The following MGAT4C variants were observed in gnomAD, a reference collection of about 807,000 sequenced individuals.
MGAT4C encodes the protein MGAT4 family member C, also known as alpha-1,3-mannosyl-glycoprotein 4-beta-N-acetylglucosaminyltransferase C.
In MGAT4C, 19 loss-of-function variants were observed where a neutral mutation model predicts 40.1. The observed-to-expected ratio is 0.47, with a 90% CI of 0.33 to 0.70. The LOEUF is 0.70. Among genes scored for constraint, MGAT4C ranks in the 30% least tolerant of loss-of-function variants. MGAT4C has a pLI of 0.02. For missense variants in MGAT4C, 491 were observed against 563.2 expected, an observed-to-expected ratio of 0.87 and a Z score of 1.30; for synonymous variants, 181 against 187.1, an observed-to-expected ratio of 0.97 and a Z score of 0.27.
rs557774565 is a variant in MGAT4C at position 86,055,848 on chromosome 12, CTCTT to C, written c.-56-6129_-56-6126del. 1.1e-4 allele frequency among the ~76,000 whole-genome samples: 17 copies of C among 152,146 alleles called. 1 individual carries two copies. The South Asian group carries it at 1.5e-3, about 13-fold the overall frequency. On this transcript the variant is annotated intron_variant, in intron 1 of 4. Coordinates refer to ENST00000611864, the MANE Select transcript of MGAT4C (RefSeq NM_001351288.2). Reference sequence around the variant, plus strand: ...AAGTATCTTTTCACGTCTTCATTCTCTCTTTCAGCCTCAGCTCTTTTTTCATTCC... The same window carrying C: ...AAGTATCTTTTCACGTCTTCATTCTCTCAGCCTCAGCTCTTTTTTCATTCC...
Position 85,961,495 on chromosome 12 carries a change from G to T in MGAT4C, c.*17794C>A, listed in dbSNP as rs1002287945. ...ATGTATATATATAAAATTATATATG[G>T]TATAGTTTCAACTTCTAATCTTTTA... is the stretch of plus-strand genomic sequence containing the variant. On this transcript the variant is annotated 3_prime_UTR_variant, in exon 5 of 5. Coordinates refer to ENST00000611864, the MANE Select transcript of MGAT4C (RefSeq NM_001351288.2). 6.6e-6 allele frequency: 1 copy of T among 151,610 alleles called. No homozygotes were observed. Among genetic ancestry groups the T allele is most frequent in the Non-Finnish European group, 1.5e-5 (1 of 67,690 alleles). 9.4% of individuals were successfully genotyped at this position (151,610 alleles called of 1,614,324 possible). A position where few individuals can be genotyped will look rare whatever the true frequency, so the allele number is the denominator to read the frequency against.
intron 3 of MGAT4C, among the ~76,000 whole-genome samples, chr12:86,399,833 T>A (rs538990547): frequency 5.3e-5 from 8 of 152,156 alleles, no homozygotes; most frequent in Non-Finnish European, 1.0e-4. Flanking sequence ...ACCTGGCTGA[T>A]TATTTGTGTC....
At chr12:86,710,362 G>C (rs1354794462) in intron 2 of MGAT4C, among the ~76,000 whole-genome samples, 3 of 152,146 alleles carry the variant, frequency 2.0e-5, no homozygotes, top group Non-Finnish European at 2.9e-5. Flanking sequence ...TCCACTTCCA[G>C]GGATATGAGT....
At chr12:86,559,990 C>G (rs4309212) in intron 2 of MGAT4C, among the ~76,000 whole-genome samples, 127,592 of 151,798 alleles carry the variant, frequency 0.84, 54,141 homozygotes, top group East Asian at 0.96. Flanking sequence ...ACAGATATCC[C>G]AAGGGTCAAT....
chr12:86,466,093 C>T (rs1259705903), intron 2 of MGAT4C, among the ~76,000 whole-genome samples: 2 of 151,908 alleles, frequency 1.3e-5, no homozygotes, highest in Non-Finnish European at 2.9e-5. Flanking sequence ...TCTGTAACCC[C>T]AGCTACTCGG....
chr12:86,056,832 T>G (rs1179718464), intron 1 of MGAT4C, among the ~76,000 whole-genome samples: 1 of 152,170 alleles, frequency 6.6e-6, no homozygotes, highest in East Asian at 1.9e-4. Flanking sequence ...ATGGTTGAAC[T>G]AATTTACACT....
At chr12:86,761,209 C>T (rs1951400061) in intron 1 of MGAT4C, among the ~76,000 whole-genome samples, 1 of 152,078 alleles carries the variant, frequency 6.6e-6, no homozygotes, top group Non-Finnish European at 1.5e-5. Context: ...AAAGGCCAGC[C>T]TTTCTTTGAT....
chr12:86,526,992 C>A (rs1314345787), intron 2 of MGAT4C, among the ~76,000 whole-genome samples: 2 of 152,160 alleles, frequency 1.3e-5, no homozygotes, highest in East Asian at 1.9e-4. Context: ...TAGCCCTGTG[C>A]AGGGTTCCCA....
chr12:86,808,783 C>T (rs984574217), intron 1 of MGAT4C, among the ~76,000 whole-genome samples: 1 of 152,086 alleles, frequency 6.6e-6, no homozygotes, highest in South Asian at 2.1e-4. Flanking sequence ...CCAGCACAAT[C>T]AAGCAATAGA....
At chr12:86,256,130 G>A (rs373343536) in intron 1 of MGAT4C, 109 bp downstream of exon 1, 1 of 151,856 alleles carries the variant, frequency 6.6e-6, no homozygotes, top group Admixed American at 6.6e-5. Flanking sequence ...AAACATTCCT[G>A]AATAAAAGCT....
chr12:86,634,502 A>G (rs1963156071), intron 2 of MGAT4C, among the ~76,000 whole-genome samples: 1 of 152,142 alleles, frequency 6.6e-6, no homozygotes, highest in South Asian at 2.1e-4. Context: ...AGATCTGCTC[A>G]GGGTTTCACA....
At chr12:86,072,554 C>T (rs907698143) in intron 1 of MGAT4C, among the ~76,000 whole-genome samples, 17 of 152,090 alleles carry the variant, frequency 1.1e-4, no homozygotes, top group African/African-American at 3.6e-4. Context: ...TGCATTTTTT[C>T]CCCTTTTTGT....
At chr12:85,990,006 T>A (rs1006466517) in intron 2 of MGAT4C, among the ~76,000 whole-genome samples, 2 of 152,068 alleles carry the variant, frequency 1.3e-5, no homozygotes, top group African/African-American at 2.4e-5. Flanking sequence ...AGGTGTCAAC[T>A]GAAAATATTT....
intron 4 of MGAT4C, among the ~76,000 whole-genome samples, chr12:86,328,299 T>C (rs1954574478): frequency 2.0e-5 from 3 of 152,130 alleles, no homozygotes; most frequent in African/African-American, 7.2e-5. Context: ...ATTACCACTG[T>C]GATTCAACAT....
Position 86,772,709 on chromosome 12 carries a change from T to C in MGAT4C, c.-261-45468A>G, listed in dbSNP as rs866545240. ...TTTTAAGATTTAAAATCTGATAGAATTTTCCCTACTAGCTTTTGGACTTGC... is the reference window on the plus strand; with the variant it reads ...TTTTAAGATTTAAAATCTGATAGAACTTTCCCTACTAGCTTTTGGACTTGC... On this transcript the variant is annotated intron_variant, in intron 1 of 7. Transcript: ENST00000548651. Among the ~76,000 whole-genome samples the C allele has an allele frequency of 7.9e-4, 121 of 152,298 alleles. 1 individual carries two copies. The highest frequency in any genetic ancestry group is 2.8e-3 in the African/African-American group (118 of 41,564).
intron 1 of MGAT4C, among the ~76,000 whole-genome samples, chr12:86,203,705 C>T (rs1279731389): frequency 2.0e-5 from 3 of 151,992 alleles, no homozygotes. Flanking sequence ...CGCTTGTAAT[C>T]CCAGCACTTT....
intron 1 of MGAT4C, among the ~76,000 whole-genome samples, chr12:86,138,178 C>T (rs1184893401): frequency 6.6e-6 from 1 of 152,002 alleles, no homozygotes. Flanking sequence ...TTTCCGCTAC[C>T]AGCTTTTCCT....
intron 1 of MGAT4C, among the ~76,000 whole-genome samples, chr12:86,097,036 CA>C (rs1874061697): frequency 6.6e-6 from 1 of 151,576 alleles, no homozygotes; most frequent in South Asian, 2.1e-4. Flanking sequence ...ATGAAGCATA[CA>C]TTCATCTACC....
chr12:86,505,102 A>G (rs1266696059), intron 2 of MGAT4C, among the ~76,000 whole-genome samples: 1 of 152,142 alleles, frequency 6.6e-6, no homozygotes, highest in Non-Finnish European at 1.5e-5. Context: ...TCTGCCAGTG[A>G]TAACGCCTGG....
Sources: allele counts gnomAD v4.1 joint callset (sites outside exome capture counted in the v4.1 genomes callset), GRCh38; gene constraint gnomAD v4.1.1; transcripts MANE v1.5; gene names NCBI Gene and HGNC (gene_info 2026-07-23, HGNC 2026-07-21).